ESRRG: variants seen among roughly 807,000 people sequenced by gnomAD.
ESRRG encodes estrogen-related receptor gamma.
Under a neutral mutation model 44.0 loss-of-function variants are expected in ESRRG, and 13 were observed. The observed-to-expected ratio is 0.30, with a 90% confidence interval of 0.19 to 0.47. The LOEUF (loss-of-function observed/expected upper bound fraction) is 0.47, where lower values mean the gene tolerates loss of function less well. Ranked by LOEUF, ESRRG falls within the 20% of genes least tolerant of loss-of-function variation. The pLI is 1.00. For synonymous variants in ESRRG, 215 were observed against 214.6 expected, an observed-to-expected ratio of 1.00 and a Z score of -0.02; for missense variants, 395 against 580.6, an observed-to-expected ratio of 0.68 and a Z score of 3.29.
At position 216,821,700 on chromosome 1, in the gene ESRRG, ATAAAT is replaced by A. The variant is rs1559764776; in HGVS notation, c.-14+117877_-14+117881del. Among the ~76,000 whole-genome samples, 11 of 124,012 alleles carry A rather than the reference ATAAAT, an allele frequency of 8.9e-5. No homozygotes were observed. In the East Asian group the frequency reaches 1.4e-3, roughly 16 times the overall value. The allele number at this position is 124,012 out of a possible 152,430, so 81.4% of individuals were successfully genotyped here. A position where few individuals can be genotyped will look rare whatever the true frequency, so the allele number is the denominator to read the frequency against. On this transcript the variant is annotated intron_variant, in intron 2 of 7. Transcript: ENST00000359162. The stretch of plus-strand genomic sequence containing the variant: ...AACCTGCCTCAGGAAAAATAAATAA[ATAAAT>A]AAATAAATAAATAAATAAATAAATA...
At chr1:216,922,462 G>C (rs1040510829) in intron 2 of ESRRG, among the ~76,000 whole-genome samples, 1 of 152,082 alleles carries the variant, frequency 6.6e-6, no homozygotes, top group Non-Finnish European at 1.5e-5. Flanking sequence ...TTGTCCATGG[G>C]GGCAAGTCAT....
chr1:216,748,350 CAT>C (rs1457282497), intron 2 of ESRRG, among the ~76,000 whole-genome samples: 1 of 152,100 alleles, frequency 6.6e-6, no homozygotes, highest in Non-Finnish European at 1.5e-5. Context: ...ATAAGAAAAA[CAT>C]ACAAGAAAGT....
intron 1 of ESRRG, among the ~76,000 whole-genome samples, chr1:216,990,681 C>T (rs1190467224): frequency 6.6e-6 from 1 of 152,128 alleles, no homozygotes; most frequent in Non-Finnish European, 1.5e-5. Context: ...TATATTTTCT[C>T]TTCCTTATGG....
At chr1:216,601,522 G>A (rs1418862862) in intron 3 of ESRRG, among the ~76,000 whole-genome samples, 3 of 152,182 alleles carry the variant, frequency 2.0e-5, no homozygotes. Flanking sequence ...TTATGACAGA[G>A]GAAGAAGACT....
chr1:216,747,439 A>T (rs1180144756), intron 2 of ESRRG, among the ~76,000 whole-genome samples: 4 of 152,128 alleles, frequency 2.6e-5, no homozygotes, highest in African/African-American at 4.8e-5. Flanking sequence ...CAGGTCCTTT[A>T]TAGCATCACA....
intron 5 of ESRRG, among the ~76,000 whole-genome samples, chr1:216,540,725 C>T (rs1444729012): frequency 6.6e-6 from 1 of 151,954 alleles, no homozygotes; most frequent in Non-Finnish European, 1.5e-5. Context: ...GAAACAATAG[C>T]TAGAAATAAA....
chr1:216,507,632 CAG>C (rs2041542671), intron 6 of ESRRG, among the ~76,000 whole-genome samples: 1 of 152,124 alleles, frequency 6.6e-6, no homozygotes, highest in Non-Finnish European at 1.5e-5. Flanking sequence ...ATTTCCCAAA[CAG>C]GGGAAAAAAT....
At chr1:216,778,647 C>G (rs926757854) in intron 2 of ESRRG, among the ~76,000 whole-genome samples, 1 of 151,864 alleles carries the variant, frequency 6.6e-6, no homozygotes, top group Non-Finnish European at 1.5e-5. Context: ...CCCCAACAGA[C>G]TATAGACACG....
At chr1:216,652,052 C>G (rs773142991) in intron 2 of ESRRG, among the ~76,000 whole-genome samples, 1 of 152,094 alleles carries the variant, frequency 6.6e-6, no homozygotes, top group African/African-American at 2.4e-5. Flanking sequence ...ACTTCCTAAC[C>G]CTTTCCCCTT....
chr1:216,894,822 C>A (rs932457659), intron 2 of ESRRG, among the ~76,000 whole-genome samples: 22 of 152,122 alleles, frequency 1.4e-4, no homozygotes, highest in East Asian at 5.8e-4. Context: ...ATGGGAAAAT[C>A]ACTCCAAGCA....
At chr1:216,564,822 C>T (rs369332494) in intron 4 of ESRRG, among the ~76,000 whole-genome samples, 14 of 152,178 alleles carry the variant, frequency 9.2e-5, no homozygotes, top group African/African-American at 1.9e-4. Context: ...ACTACTAATG[C>T]CTATAGTCAT....
chr1:216,642,780 A>G (rs2066708650), intron 3 of ESRRG, among the ~76,000 whole-genome samples: 1 of 152,136 alleles, frequency 6.6e-6, no homozygotes, highest in Admixed American at 6.6e-5. Flanking sequence ...TGGCAGCATA[A>G]TGATACTAGA....
intron 3 of ESRRG, among the ~76,000 whole-genome samples, chr1:216,619,939 G>C (rs1333570705): frequency 6.6e-6 from 1 of 152,130 alleles, no homozygotes; most frequent in East Asian, 1.9e-4. Context: ...GCAACACCGA[G>C]TCAAGAAGAT....
intron 2 of ESRRG, among the ~76,000 whole-genome samples, chr1:216,906,507 C>T (rs61245105): frequency 0.11 from 16,439 of 152,144 alleles, 1,091 homozygotes; most frequent in East Asian, 0.23. Flanking sequence ...AAAGCCCTCC[C>T]GTGCCTCACC....
intron 2 of ESRRG, among the ~76,000 whole-genome samples, chr1:216,926,302 C>A (rs1395336155): frequency 1.3e-5 from 2 of 152,040 alleles, no homozygotes; most frequent in Non-Finnish European, 2.9e-5. Flanking sequence ...AAAATTAAAT[C>A]CAGAGCCAAA....
intron 1 of ESRRG, among the ~76,000 whole-genome samples, chr1:217,124,448 A>G (rs2092862937): frequency 6.6e-6 from 1 of 152,210 alleles, no homozygotes; most frequent in South Asian, 2.1e-4. Flanking sequence ...CGAACAATAA[A>G]GCAACATATC....
At chr1:216,892,812 C>T (rs569633932) in intron 2 of ESRRG, among the ~76,000 whole-genome samples, 2 of 152,238 alleles carry the variant, frequency 1.3e-5, no homozygotes, top group African/African-American at 4.8e-5. Flanking sequence ...TAATCGTCCT[C>T]TCCACCACCC....
chr1:216,542,163 T>C (rs1348843667), intron 5 of ESRRG, among the ~76,000 whole-genome samples: 2 of 151,772 alleles, frequency 1.3e-5, no homozygotes, highest in Non-Finnish European at 2.9e-5. Flanking sequence ...TTCCTATCCT[T>C]TTCATCTGGT....
chr1:216,508,357 G>C (rs1303613823), intron 6 of ESRRG, among the ~76,000 whole-genome samples: 1 of 151,986 alleles, frequency 6.6e-6, no homozygotes, highest in Non-Finnish European at 1.5e-5. Flanking sequence ...CATATCACTG[G>C]TGAACTGACC....
Sources: allele counts gnomAD v4.1 joint callset (sites outside exome capture counted in the v4.1 genomes callset), GRCh38; gene constraint gnomAD v4.1.1; transcripts MANE v1.5; gene names NCBI Gene and HGNC (gene_info 2026-07-23, HGNC 2026-07-21).